Variants in GREB1L observed in about 807,000 individuals in gnomAD.
The protein encoded by GREB1L is GREB1-like protein.
Under a neutral mutation model 200.8 loss-of-function variants are expected in GREB1L, and 17 were observed. That is an observed-to-expected ratio of 0.08 (90% CI 0.06 to 0.13). The LOEUF is 0.13. Among genes scored for constraint, GREB1L ranks in the 10% least tolerant of loss-of-function variants. The pLI, the probability that GREB1L is intolerant of heterozygous loss-of-function variation, is 1.00. For missense variants in GREB1L, 1,657 were observed against 2,367.7 expected, an observed-to-expected ratio of 0.70 and a Z score of 6.23; for synonymous variants, 789 against 893.0, an observed-to-expected ratio of 0.88 and a Z score of 2.08.
At chr18:21,456,147 C>A (rs2034755041) in intron 15 of GREB1L, among the ~76,000 whole-genome samples, 1 of 152,008 alleles carries the variant, frequency 6.6e-6, no homozygotes, top group Admixed American at 6.6e-5. Flanking sequence ...CTCAAGTGAT[C>A]CACCAGCCTC....
chr18:21,435,472 CAGA>C (rs1457644506), intron 7 of GREB1L, among the ~76,000 whole-genome samples: 6 of 152,012 alleles, frequency 3.9e-5, no homozygotes, highest in South Asian at 2.1e-4. Flanking sequence ...TGGCAATGTA[CAGA>C]AGAACGCAGA....
intron 4 of GREB1L, among the ~76,000 whole-genome samples, chr18:21,387,018 A>G (rs1170261279): frequency 6.6e-6 from 1 of 152,202 alleles, no homozygotes; most frequent in Non-Finnish European, 1.5e-5. Flanking sequence ...GGCAATTTAG[A>G]TAAGCAAATA....
Position 21,454,346 on chromosome 18 carries a change from G to A in GREB1L, c.1985-20G>A. On this transcript the variant is annotated intron_variant, in intron 14 of 32. Coordinates refer to ENST00000424526, the MANE Select transcript of GREB1L (RefSeq NM_001142966.3). Reference sequence around the variant, plus strand: ...GGAAGTAAATTAACCTTGTTCTTATGACTTCTCTTTAAATTTTAGATTTAG... The same window carrying A: ...GGAAGTAAATTAACCTTGTTCTTATAACTTCTCTTTAAATTTTAGATTTAG... 6.6e-7 allele frequency: 1 copy of A among 1,513,880 alleles called. No homozygotes were observed. Among genetic ancestry groups the A allele is most frequent in the Non-Finnish European group, 9.0e-7 (1 of 1,113,328 alleles). 93.8% of individuals were successfully genotyped at this position (1,513,880 alleles called of 1,614,324 possible).
chr18:21,283,269 A>G (rs1436111659), intron 1 of GREB1L, among the ~76,000 whole-genome samples: 1 of 152,218 alleles, frequency 6.6e-6, no homozygotes, highest in Non-Finnish European at 1.5e-5. Context: ...TTTGCTGAAC[A>G]TATATTTTAT....
At chr18:21,421,667 T>C (rs2032157963) in intron 7 of GREB1L, among the ~76,000 whole-genome samples, 1 of 152,236 alleles carries the variant, frequency 6.6e-6, no homozygotes, top group Non-Finnish European at 1.5e-5. Context: ...TTCTAGGTTC[T>C]GTGCTAAACA....
chr18:21,480,697 T>C (rs1306717777), intron 17 of GREB1L, among the ~76,000 whole-genome samples: 1 of 152,140 alleles, frequency 6.6e-6, no homozygotes, highest in Non-Finnish European at 1.5e-5. Context: ...TGTGGACTTG[T>C]GTTGAATCTT....
At chr18:21,434,553 G>A (rs1468665790) in intron 7 of GREB1L, among the ~76,000 whole-genome samples, 1 of 137,656 alleles carries the variant, frequency 7.3e-6, no homozygotes, top group African/African-American at 3.1e-5. Flanking sequence ...GTATATATAT[G>A]TGTGTATATA....
At chr18:21,266,244 G>C (rs1390111611) in intron 1 of GREB1L, among the ~76,000 whole-genome samples, 1 of 152,066 alleles carries the variant, frequency 6.6e-6, no homozygotes. Flanking sequence ...GTTCAAATAG[G>C]GTTTCAACAT....
intron 25 of GREB1L, among the ~76,000 whole-genome samples, chr18:21,507,397 T>C (rs532435972): frequency 3.2e-4 from 49 of 152,342 alleles, no homozygotes; most frequent in Non-Finnish European, 6.2e-4. Flanking sequence ...GTTAAAACCA[T>C]TGGGAAACCT....
chr18:21,251,289 A>G (rs769080559), intron 1 of GREB1L, among the ~76,000 whole-genome samples: 65 of 152,158 alleles, frequency 4.3e-4, no homozygotes, highest in Non-Finnish European at 7.2e-4. Context: ...TTCCATGATC[A>G]TGTACCCTTA....
At chr18:21,251,557 C>T (rs1015874904) in intron 1 of GREB1L, among the ~76,000 whole-genome samples, 3 of 152,092 alleles carry the variant, frequency 2.0e-5, no homozygotes, top group Non-Finnish European at 4.4e-5. Flanking sequence ...TATGATAACA[C>T]AATTTAAAAA....
rs2037639160 is a variant in GREB1L, at chr18:21,523,627, GA to G, written c.*808del. 6.6e-6 allele frequency: 1 copy of G among 152,194 alleles called. No individual in the cohort carries two copies. The highest frequency in any genetic ancestry group is 6.5e-5 in the Admixed American group (1 of 15,276). The allele number at this position is 152,194 out of a possible 1,614,324, so 9.4% of individuals were successfully genotyped here. A position where few individuals can be genotyped will look rare whatever the true frequency, so the allele number is the denominator to read the frequency against. ...TTTTGCAAGAACTTAAGTCAGTTAAGAAGCTTTCAGCAGGTAACCTGCACCC... is the reference window on the plus strand; with the variant it reads ...TTTTGCAAGAACTTAAGTCAGTTAAGAGCTTTCAGCAGGTAACCTGCACCC... On this transcript the variant is annotated 3_prime_UTR_variant, in exon 33 of 33. Coordinates refer to ENST00000424526, the MANE Select transcript of GREB1L (RefSeq NM_001142966.3).
intron 1 of GREB1L, among the ~76,000 whole-genome samples, chr18:21,267,862 T>C (rs1306568774): frequency 6.6e-6 from 1 of 150,608 alleles, no homozygotes; most frequent in Non-Finnish European, 1.5e-5. Context: ...AAAGTGATCA[T>C]TGCTCCCAGA....
intron 1 of GREB1L, among the ~76,000 whole-genome samples, chr18:21,302,228 C>G (rs2038628447): frequency 6.6e-6 from 1 of 152,136 alleles, no homozygotes; most frequent in Non-Finnish European, 1.5e-5. Flanking sequence ...AGAAAGACAC[C>G]TTGTTACCCA....
chr18:21,363,345 C>G (rs1373622511), intron 1 of GREB1L, among the ~76,000 whole-genome samples: 1 of 137,016 alleles, frequency 7.3e-6, no homozygotes, highest in Non-Finnish European at 1.5e-5. Context: ...TGAATTGCCC[C>G]GATATAAAAG....
At chr18:21,415,177 C>T (rs547398017) in intron 7 of GREB1L, among the ~76,000 whole-genome samples, 3 of 152,254 alleles carry the variant, frequency 2.0e-5, no homozygotes, top group African/African-American at 7.2e-5. Context: ...CATAGTATTA[C>T]TTGGTACCTG....
chr18:21,290,091 A>C (rs1275973644), intron 1 of GREB1L, among the ~76,000 whole-genome samples: 1 of 152,176 alleles, frequency 6.6e-6, no homozygotes, highest in African/African-American at 2.4e-5. Context: ...TGGGAAATGG[A>C]AAAGGTAGAG....
At chr18:21,266,475 GT>G (rs1251099632) in intron 1 of GREB1L, among the ~76,000 whole-genome samples, 1 of 152,182 alleles carries the variant, frequency 6.6e-6, no homozygotes, top group Non-Finnish European at 1.5e-5. Context: ...GGATTTTGTG[GT>G]GAGCCTTGGG....
At chr18:21,497,819 C>G (rs1341611451) in intron 21 of GREB1L, among the ~76,000 whole-genome samples, 4 of 125,906 alleles carry the variant, frequency 3.2e-5, no homozygotes, top group African/African-American at 8.2e-5. Context: ...CCACCCCCCC[C>G]CCTTTTTTTT....
Sources: gnomAD v4.1 joint callset for allele counts (sites outside exome capture counted in the v4.1 genomes callset) on GRCh38, gnomAD v4.1.1 for gene constraint, MANE v1.5 for transcripts, NCBI Gene and HGNC (gene_info 2026-07-23, HGNC 2026-07-21) for gene names.